Variants in SKOR1 observed in about 807,000 individuals in gnomAD.
The protein encoded by SKOR1 is LBX1 corepressor 1.
Under a neutral mutation model 72.4 loss-of-function variants are expected in SKOR1, and 38 were observed. The observed-to-expected ratio is 0.52, with a 90% CI of 0.40 to 0.69. SKOR1 has a LOEUF of 0.69. Ranked by LOEUF, SKOR1 falls within the 30% of genes least tolerant of loss-of-function variation. The pLI is 0.00. For missense variants in SKOR1, 1,320 were observed against 1,343.2 expected (o/e 0.98, Z 0.27); for synonymous variants, 642 against 599.4 (o/e 1.07, Z -1.04).
In SKOR1 at chr15:67,832,432, C is replaced by A. The variant is rs2091015446; in HGVS notation, c.2662+84C>A. 2 of 1,483,072 alleles carry A rather than the reference C, an allele frequency of 1.3e-6. No homozygotes were observed. The highest frequency in any genetic ancestry group is 2.8e-5 in the African/African-American group (2 of 72,398). The allele number at this position is 1,483,072 out of a possible 1,614,324, so 91.9% of individuals were successfully genotyped here. On this transcript the variant is annotated intron_variant, in intron 6 of 8. Transcript: ENST00000380035. The surrounding 1 kb of genome is among the most constrained non-coding windows in gnomAD (Gnocchi z 4.5). ...CCGACCTACTCCGAAAGCCGGGTGCCAGGCAACTGGTACTAGGTGCCCTGC... is the reference window on the plus strand; with the variant it reads ...CCGACCTACTCCGAAAGCCGGGTGCAAGGCAACTGGTACTAGGTGCCCTGC...
Position 67,833,110 on chromosome 15 carries a change from A to T in SKOR1, c.2738-82A>T. 1 of 1,440,884 alleles carries T rather than the reference A, an allele frequency of 6.9e-7. No homozygotes were observed. The highest frequency in any genetic ancestry group is 1.4e-5 in the African/African-American group (1 of 71,328). The allele number at this position is 1,440,884 out of a possible 1,614,324, so 89.3% of individuals were successfully genotyped here. The stretch of plus-strand genomic sequence containing the variant: ...TTCTGCGCGGAGCTTAGCCCTGGGG[A>T]GAGGAGGAAGCCCGGGCTGTGACCC... On this transcript the variant is annotated intron_variant, in intron 7 of 8. Transcript: ENST00000380035. The surrounding 1 kb of genome is among the most constrained non-coding windows in gnomAD (Gnocchi z 6.0).
At chr15:67,829,344 C>A (rs915035115) in intron 3 of SKOR1, 75 bp downstream of exon 3, 10 of 1,247,564 alleles carry the variant, frequency 8.0e-6, no homozygotes, top group Non-Finnish European at 9.9e-6. Context: ...GGAAGGCCTG[C>A]GAAGGAAGAC....
In SKOR1 at chr15:67,826,545, C is replaced by A. The variant is rs746745335; in HGVS notation, c.717C>A (p.Ala239=). Residue 239 remains alanine, a synonymous_variant, in exon 2 of 9, where the codon GCC becomes GCA. Coordinates refer to ENST00000380035, the MANE Select transcript of SKOR1 (RefSeq NM_001365915.1). ...TPDAKYTQPD[A]ANFNSWRRHL... ...ACGCCAAGTACACGCAGCCCGATGC[C>A]GCCAACTTCAACTCCTGGCGTCGTC... 13 of 1,613,990 alleles carry A rather than the reference C, an allele frequency of 8.1e-6. No homozygotes were observed. Among genetic ancestry groups the A allele is most frequent in the Non-Finnish European group, 1.1e-5 (13 of 1,179,886 alleles).
In SKOR1 at chr15:67,827,397, G is replaced by A. The variant is rs1482135576; in HGVS notation, c.1569G>A (p.Ala523=). Residue 523 remains alanine (A), a synonymous_variant, in exon 2 of 9, where the codon GCG becomes GCA. Coordinates refer to ENST00000380035, the MANE Select transcript of SKOR1 (RefSeq NM_001365915.1). ...CAGCCGTGGCGGCGGCAGCGGCGGCGGCAGCGGCAGCTGCTGGCAGCGGTG... is the reference window on the plus strand; with the variant it reads ...CAGCCGTGGCGGCGGCAGCGGCGGCAGCAGCGGCAGCTGCTGGCAGCGGTG... ...VAAAVAAAAA[A]AAAAAGSGAP... is the part of the protein sequence containing the mutation. 1.3e-6 allele frequency: 2 copies of A among 1,535,050 alleles called. No individual in the cohort carries two copies. The highest frequency in any genetic ancestry group is 1.7e-6 in the Non-Finnish European group (2 of 1,148,888).
At position 67,833,021 on chromosome 15, in the gene SKOR1, T is replaced by C; in HGVS notation, c.2738-171T>C. On this transcript the variant is annotated intron_variant, in intron 7 of 8. Transcript: ENST00000380035. This position sits in a 1 kb window ranked among gnomAD's most constrained non-coding sequence, Gnocchi z 6.0. ...TGCCTTTAAGCGCCATCCCAGGCCA[T>C]TTCCTTCCTCCGCCAGTCTGCAGTT... is the stretch of plus-strand genomic sequence containing the variant. 2.9e-6 allele frequency: 2 copies of C among 684,274 alleles called. No homozygotes were observed. The highest frequency in any genetic ancestry group is 3.6e-5 in the South Asian group (2 of 56,244). The allele number at this position is 684,274 out of a possible 1,614,324, so 42.4% of individuals were successfully genotyped here.
chr15:67,833,914 G>T lies in SKOR1; in HGVS notation c.*78G>T. On this transcript the variant is annotated 3_prime_UTR_variant, in exon 9 of 9. Coordinates refer to ENST00000380035, the MANE Select transcript of SKOR1 (RefSeq NM_001365915.1). The surrounding 1 kb of genome is among the most constrained non-coding windows in gnomAD (Gnocchi z 6.0). ...ACCCGCTGCTGCGGTGGCCCTGAGC[G>T]AGGAACAAGCCATTCGGACCCGACC... 1 of 1,474,812 alleles carries T rather than the reference G, an allele frequency of 6.8e-7. No individual in the cohort carries two copies. Among genetic ancestry groups the T allele is most frequent in the South Asian group, 1.1e-5 (1 of 88,422 alleles). The allele number at this position is 1,474,812 out of a possible 1,614,324, so 91.4% of individuals were successfully genotyped here.
In SKOR1 at chr15:67,827,063, C is replaced by G; in HGVS notation, c.1235C>G (p.Pro412Arg). The change falls in exon 2 of 9, where the codon CCG becomes CGG. Residue 412 changes from proline to arginine, a missense_variant. Transcript: ENST00000380035. ...AFGLCPKKDDPVLGAGEPKGG... is the reference protein window; with the variant it reads ...AFGLCPKKDDRVLGAGEPKGG... ...GGCCTATGCCCCAAAAAGGACGACC[C>G]GGTTTTAGGCGCGGGCGAGCCAAAG... The G allele has an allele frequency of 6.5e-7, 1 of 1,536,012 alleles. No individual in the cohort carries two copies. Among genetic ancestry groups the G allele is most frequent in the Non-Finnish European group, 8.7e-7 (1 of 1,148,666 alleles).
Position 67,830,209 on chromosome 15 carries a change from A to G in SKOR1, c.2426A>G (p.Asn809Ser), listed in dbSNP as rs138872533. 2 of 1,614,190 alleles carry G rather than the reference A, an allele frequency of 1.2e-6. No homozygotes were observed. The highest frequency in any genetic ancestry group is 1.7e-6 in the Non-Finnish European group (2 of 1,180,028). ...CTTCAAGAGCCAGATAAGGAAGACA[A>G]TCACTCGCCCGCCGATGATTTGGAA... ...PEAHEPDKEDNHSPADDLETR... is the reference protein window; with the variant it reads ...PEAHEPDKEDSHSPADDLETR... Residue 809 changes from asparagine (N) to serine (S), a missense_variant, in exon 4 of 9, where the codon AAT becomes AGT. By Grantham distance (46) the Asn-to-Ser change is conservative. This residue lies in a region of SKOR1 where 1,099 missense variants were observed against 1,025.5 expected (regional missense o/e 1.07). Coordinates refer to ENST00000380035, the MANE Select transcript of SKOR1 (RefSeq NM_001365915.1).
chr15:67,829,141 C>T, intron 2 of SKOR1, 38 bp from the exon 3 acceptor site: 1 of 1,499,996 alleles, frequency 6.7e-7, no homozygotes, highest in Non-Finnish European at 8.9e-7. Context: ...CGCCGCAGGG[C>T]GCCACCCTAA....
At position 67,833,214 on chromosome 15, in the gene SKOR1, CCAGGAG is replaced by C; in HGVS notation, c.2762_2767del (p.Gln921_Glu922del). ...CAGATACCCTGTGTAACGAACTCGA[CCAGGAG>C]CGGAAGGCGCGCTATGCCATCCAGC... On this transcript the variant is annotated inframe_deletion, in exon 8 of 9. Transcript: ENST00000380035. The surrounding 1 kb of genome is among the most constrained non-coding windows in gnomAD (Gnocchi z 6.0). 1 of 1,614,092 alleles carries C rather than the reference CCAGGAG, an allele frequency of 6.2e-7. No individual in the cohort carries two copies. The highest frequency in any genetic ancestry group is 8.5e-7 in the Non-Finnish European group (1 of 1,180,016).
Position 67,832,877 on chromosome 15 carries a change from A to G in SKOR1, c.2737+196A>G. On this transcript the variant is annotated intron_variant, in intron 7 of 8. Transcript: ENST00000380035. The surrounding 1 kb of genome is among the most constrained non-coding windows in gnomAD (Gnocchi z 4.5). Reference sequence around the variant, plus strand: ...CAGCAAACGGCTTGCAGGCATCATTACATGGAGTGATTGAACTTCTTATCG... The same window carrying G: ...CAGCAAACGGCTTGCAGGCATCATTGCATGGAGTGATTGAACTTCTTATCG... 1 of 605,406 alleles carries G rather than the reference A, an allele frequency of 1.7e-6. No individual in the cohort carries two copies. The highest frequency in any genetic ancestry group is 2.0e-5 in the South Asian group (1 of 49,334). 37.5% of individuals were successfully genotyped at this position (605,406 alleles called of 1,614,324 possible).
In SKOR1 at chr15:67,833,160, T is replaced by C. The variant is rs2091021705; in HGVS notation, c.2738-32T>C. The C allele has an allele frequency of 1.2e-6, 2 of 1,613,354 alleles. No homozygotes were observed. Among genetic ancestry groups the C allele is most frequent in the Non-Finnish European group, 8.5e-7 (1 of 1,179,660 alleles). ...CCGGCCTTTCGGAGGGTGGTCTGCGTTTCCTCACTGGCCCCTCCCCTTGTC... is the reference window on the plus strand; with the variant it reads ...CCGGCCTTTCGGAGGGTGGTCTGCGCTTCCTCACTGGCCCCTCCCCTTGTC... On this transcript the variant is annotated intron_variant, in intron 7 of 8. Coordinates refer to ENST00000380035, the MANE Select transcript of SKOR1 (RefSeq NM_001365915.1). The surrounding 1 kb of genome is among the most constrained non-coding windows in gnomAD (Gnocchi z 6.0).
rs766608545 is a variant in SKOR1 at position 67,826,531 on chromosome 15, A to T, written c.703A>T (p.Thr235Ser). 2.5e-6 allele frequency: 4 copies of T among 1,613,698 alleles called. No homozygotes were observed. The Admixed American group carries it at 5.0e-5, about 20-fold the overall frequency. The change falls in exon 2 of 9, where the codon ACG becomes TCG. Residue 235 changes from threonine (T) to serine (S), a missense_variant. Thr to Ser is a moderately conservative substitution (Grantham distance 58). This residue lies in a region of SKOR1 where 101 missense variants were observed against 212.8 expected (regional missense o/e 0.47). Coordinates refer to ENST00000380035, the MANE Select transcript of SKOR1 (RefSeq NM_001365915.1). ...GCACCGAACACCCGACGCCAAGTAC[A>T]CGCAGCCCGATGCCGCCAACTTCAA... ...HSHRTPDAKY[T>S]QPDAANFNSW... is the part of the protein sequence containing the mutation.
chr15:67,828,611 C>A (rs1056052901), intron 2 of SKOR1, among the ~76,000 whole-genome samples: 1 of 152,144 alleles, frequency 6.6e-6, no homozygotes, highest in Non-Finnish European at 1.5e-5. Context: ...GAATCTCCCA[C>A]CACCCCAACT....
intron 4 of SKOR1, 63 bp downstream of exon 4, chr15:67,830,361 A>C: frequency 1.4e-6 from 2 of 1,382,498 alleles, no homozygotes; most frequent in South Asian, 2.4e-5. Context: ...CAGGTCGCCC[A>C]GGTTCCCAGA....
Position 67,827,836 on chromosome 15 carries a change from G to A in SKOR1, c.2008G>A (p.Asp670Asn), listed in dbSNP as rs371282973. ...EVDVESNRFP[D>N]DEDAQEETEP... The stretch of plus-strand genomic sequence containing the variant: ...GGACGTGGAATCCAACCGCTTCCCC[G>A]ACGACGAGGACGCCCAAGAGGAGAC... Residue 670 changes from aspartate (D) to asparagine (N), a missense_variant, in exon 2 of 9, where the codon GAC becomes AAC. Transcript: ENST00000380035. 5.0e-6 allele frequency: 8 copies of A among 1,595,440 alleles called. No homozygotes were observed. Among genetic ancestry groups the A allele is most frequent in the East Asian group, 4.5e-5 (2 of 44,252 alleles).
Position 67,830,329 on chromosome 15 carries a change from A to G in SKOR1, c.2515+31A>G, listed in dbSNP as rs778642835. 10 of 1,604,160 alleles carry G rather than the reference A, an allele frequency of 6.2e-6. No homozygotes were observed. In the South Asian group the frequency reaches 1.1e-4, roughly 18 times the overall value. On this transcript the variant is annotated intron_variant, in intron 4 of 8. Transcript: ENST00000380035. ...CCAGCCCTTGAACCCATCGCTCTCC[A>G]CCGCACCCAGGAGCTGGGACCCAGG...
chr15:67,828,064 G>A lies in SKOR1; in HGVS notation c.2236G>A (p.Glu746Lys), dbSNP rs566896623. ...AGCCGAAGACTTGGTGCGGAGACCT[G>A]AGAGGAGCCCGCCAAGCGGCGGCGG... Reference protein sequence around the residue: ...LAAEDLVRRPERSPPSGGGGY... With the variant: ...LAAEDLVRRPKRSPPSGGGGY... Residue 746 changes from glutamate to lysine, a missense_variant, in exon 2 of 9, where the codon GAG becomes AAG. Glu to Lys is a moderately conservative substitution (Grantham distance 56). This residue lies in a region of SKOR1 where 1,099 missense variants were observed against 1,025.5 expected (regional missense o/e 1.07). Coordinates refer to ENST00000380035, the MANE Select transcript of SKOR1 (RefSeq NM_001365915.1). The A allele has an allele frequency of 4.3e-4, 660 of 1,532,370 alleles. 1 individual carries two copies. The highest frequency in any genetic ancestry group is 3.2e-3 in the South Asian group (266 of 82,928). The allele number at this position is 1,532,370 out of a possible 1,614,324, so 94.9% of individuals were successfully genotyped here.
Position 67,833,271 on chromosome 15 carries a change from G to A in SKOR1, c.2803+14G>A. 6.2e-7 allele frequency: 1 copy of A among 1,614,038 alleles called. No individual in the cohort carries two copies. Among genetic ancestry groups the A allele is most frequent in the Non-Finnish European group, 8.5e-7 (1 of 1,179,980 alleles). On this transcript the variant is annotated intron_variant, in intron 8 of 8. Coordinates refer to ENST00000380035, the MANE Select transcript of SKOR1 (RefSeq NM_001365915.1). This position sits in a 1 kb window ranked among gnomAD's most constrained non-coding sequence, Gnocchi z 6.0. ...AGAAATTGAAAGGTGCGGAAGCCGG[G>A]AAACAAAGATAGGAGGGGTGCTGGG...
Sources: gnomAD v4.1 joint callset for allele counts (sites outside exome capture counted in the v4.1 genomes callset) on GRCh38, gnomAD v4.1.1 for gene constraint, gnomAD v4.1.1 regional missense constraint, Gnocchi (gnomAD v3.1) non-coding constraint, MANE v1.5 for transcripts, NCBI Gene and HGNC (gene_info 2026-07-23, HGNC 2026-07-21) for gene names.